Variants in ACOT11 observed in about 807,000 individuals in gnomAD.
ACOT11 encodes acyl-coenzyme A thioesterase 11.
In ACOT11, 69 loss-of-function variants were observed where a neutral mutation model predicts 77.5. The observed-to-expected ratio is 0.89, with a 90% CI of 0.73 to 1.09. ACOT11 has a LOEUF of 1.09. ACOT11 is among the 50% of genes least tolerant of loss of function. The pLI, the probability that ACOT11 is intolerant of heterozygous loss-of-function variation, is 0.00. For missense variants in ACOT11, 766 were observed against 813.7 expected, an observed-to-expected ratio of 0.94 and a Z score of 0.71; for synonymous variants, 279 against 313.0, an observed-to-expected ratio of 0.89 and a Z score of 1.15.
At chr1:54,611,775 G>T, downstream of ACOT11, 1 of 1,613,050 alleles carries the variant, frequency 6.2e-7, no homozygotes, top group Non-Finnish European at 8.5e-7. Context: ...CTCAGTGCCT[G>T]TCTGGGCCCA....
At chr1:54,562,270 G>T (rs1376855334) in intron 1 of ACOT11, among the ~76,000 whole-genome samples, 17 of 113,752 alleles carry the variant, frequency 1.5e-4, no homozygotes, top group Non-Finnish European at 2.0e-4. Flanking sequence ...GCGGGGGGCT[G>T]ACCCCCCACC....
At chr1:54,599,546 T>C in intron 8 of ACOT11, 131 bp downstream of exon 8, 2 of 1,057,596 alleles carry the variant, frequency 1.9e-6, no homozygotes, top group African/African-American at 3.3e-5. Flanking sequence ...CCTGCCTGGC[T>C]GATGGGTTCC....
At chr1:54,635,210 C>A (rs57173428) in exon 17 of ACOT11, 4,363 of 226,034 alleles carry the variant, frequency 0.019, 124 homozygotes, top group Admixed American at 0.091. Context: ...TGCTGCACAA[C>A]GATTCCTATG....
At chr1:54,632,359 C>G (rs1394402366) in intron 16 of ACOT11, among the ~76,000 whole-genome samples, 3 of 152,160 alleles carry the variant, frequency 2.0e-5, no homozygotes, top group African/African-American at 4.8e-5. Flanking sequence ...CTTCTGCCTG[C>G]GGAACCCCGG....
chr1:54,587,941 G>A (rs528414399), intron 3 of ACOT11, among the ~76,000 whole-genome samples: 23 of 152,104 alleles, frequency 1.5e-4, no homozygotes, highest in African/African-American at 3.9e-4. Context: ...AAGGCCGGGC[G>A]CAGTGGCTTG....
chr1:54,551,737 G>A (rs748342181), intron 1 of ACOT11, among the ~76,000 whole-genome samples: 14 of 145,248 alleles, frequency 9.6e-5, no homozygotes, highest in Non-Finnish European at 1.8e-4. Flanking sequence ...GTTTTGTTTT[G>A]TTTTTGTTTT....
At position 54,604,336 on chromosome 1, in the gene ACOT11, A is replaced by G; in HGVS notation, c.1153-10A>G. 1 of 1,612,624 alleles carries G rather than the reference A, an allele frequency of 6.2e-7. No individual in the cohort carries two copies. ...GGTGGGGTAGTGGTAGCACCTGTGT[A>G]CTCTTTCAGGTGTACCTGAGCTACA... On this transcript the variant is annotated splice_polypyrimidine_tract_variant and intron_variant, in intron 11 of 15. Transcript: ENST00000343744.
intron 3 of ACOT11, among the ~76,000 whole-genome samples, chr1:54,590,324 G>A (rs1463037332): frequency 6.6e-6 from 1 of 151,276 alleles, no homozygotes; most frequent in Non-Finnish European, 1.5e-5. Flanking sequence ...GGTCAGATTT[G>A]TTCATGGGGG....
chr1:54,618,660 C>T (rs1472677863), intron 15 of ACOT11, among the ~76,000 whole-genome samples: 1 of 152,100 alleles, frequency 6.6e-6, no homozygotes. Flanking sequence ...CAGCTGTAGC[C>T]CTGGTCCTCA....
At chr1:54,579,407 CAG>C (rs1281914300) in intron 1 of ACOT11, among the ~76,000 whole-genome samples, 2 of 152,098 alleles carry the variant, frequency 1.3e-5, no homozygotes, top group Non-Finnish European at 2.9e-5. Flanking sequence ...TAGGCTGCCT[CAG>C]AGCCTTTTTT....
At chr1:54,623,254 G>C in intron 15 of ACOT11, 1 of 1,547,886 alleles carries the variant, frequency 6.5e-7, no homozygotes, top group Non-Finnish European at 8.9e-7. Flanking sequence ...AGCCACTCAG[G>C]ATGACATGGG....
Position 54,599,276 on chromosome 1 carries a change from C to G in ACOT11, c.765-20C>G. 6.6e-7 allele frequency: 1 copy of G among 1,509,826 alleles called. No individual in the cohort carries two copies. The highest frequency in any genetic ancestry group is 1.3e-5 in the South Asian group (1 of 76,106). 93.5% of individuals were successfully genotyped at this position (1,509,826 alleles called of 1,614,324 possible). A position where few individuals can be genotyped will look rare whatever the true frequency, so the allele number is the denominator to read the frequency against. On this transcript the variant is annotated intron_variant, in intron 7 of 15. Transcript: ENST00000343744. The stretch of plus-strand genomic sequence containing the variant: ...AGCACCAGGGGCATTCCTTCTGTCT[C>G]CCCACCCCTGCCTCCTCAGCCGGCT...
At chr1:54,551,143 A>AG (rs1379168949) in intron 1 of ACOT11, among the ~76,000 whole-genome samples, 94 of 151,688 alleles carry the variant, frequency 6.2e-4, no homozygotes, top group Non-Finnish European at 1.1e-3. Flanking sequence ...AAAAAAAAAA[A>AG]AAAAAAGAAA....
At chr1:54,618,090 G>C (rs1301679873) in intron 15 of ACOT11, among the ~76,000 whole-genome samples, 2 of 151,914 alleles carry the variant, frequency 1.3e-5, no homozygotes, top group Middle Eastern at 3.2e-3. Flanking sequence ...TGGGCCACAC[G>C]TTGGGTAGCA....
chr1:54,597,702 T>A (rs895538659), intron 7 of ACOT11: 3 of 443,234 alleles, frequency 6.8e-6, no homozygotes, highest in African/African-American at 6.0e-5. Context: ...TCCCTTCACA[T>A]CAAGCCTTCT....
intron 16 of ACOT11, among the ~76,000 whole-genome samples, chr1:54,634,285 AC>A (rs1194148385): frequency 6.6e-6 from 1 of 152,222 alleles, no homozygotes; most frequent in Non-Finnish European, 1.5e-5. Flanking sequence ...CTAAATTTAA[AC>A]CAATTGAAGG....
rs186317516 is a variant in ACOT11 at position 54,566,405 on chromosome 1, C to T, written c.33+18063C>T. Among the ~76,000 whole-genome samples the T allele has an allele frequency of 2.8e-3, 416 of 146,766 alleles. 1 individual carries two copies. The highest frequency in any genetic ancestry group is 4.4e-3 in the Non-Finnish European group (298 of 67,440). On this transcript the variant is annotated intron_variant, in intron 1 of 15. Coordinates refer to ENST00000343744, the MANE Select transcript of ACOT11 (RefSeq NM_147161.4). ...CCGGGAGATGGAGATTGCAGTGAGC[C>T]GAGATTGTGCCACTGCACTCCAGCC...
At chr1:54,588,488 C>G (rs684473) in intron 3 of ACOT11, among the ~76,000 whole-genome samples, 60,106 of 151,938 alleles carry the variant, frequency 0.4, 14,018 homozygotes, top group Non-Finnish European at 0.54. Flanking sequence ...AATGGAGGAC[C>G]CAGGATATAC....
chr1:54,604,271 G>T (rs1643999230), intron 11 of ACOT11, 75 bp from the exon 12 acceptor site: 2 of 1,412,460 alleles, frequency 1.4e-6, no homozygotes, highest in Non-Finnish European at 2.0e-6. Flanking sequence ...TTCCTCTCTG[G>T]CACACCCTTG....
Sources: gnomAD v4.1 joint callset for allele counts (sites outside exome capture counted in the v4.1 genomes callset) on GRCh38, gnomAD v4.1.1 for gene constraint, MANE v1.5 for transcripts, NCBI Gene and HGNC (gene_info 2026-07-23, HGNC 2026-07-21) for gene names.